The following COMMD10 variants were observed in gnomAD, a reference collection of about 807,000 sequenced individuals.
COMMD10 encodes COMM domain-containing protein 10.
COMMD10 carries 33 observed loss-of-function variants against 28.9 expected under a neutral mutation model. The ratio of observed to expected loss-of-function variants is 1.14; its 90% CI spans 0.87 to 1.53. COMMD10 has a LOEUF of 1.53. COMMD10 is among the 40% of genes most tolerant of loss of function. COMMD10 has a pLI of 0.00. For synonymous variants in COMMD10, 110 were observed against 81.7 expected, an observed-to-expected ratio of 1.35 and a Z score of -1.87; for missense variants, 310 against 233.4, an observed-to-expected ratio of 1.33 and a Z score of -2.14.
At chr5:116,193,976 C>A (rs1194113113) in intron 5 of COMMD10, among the ~76,000 whole-genome samples, 2 of 152,036 alleles carry the variant, frequency 1.3e-5, no homozygotes, top group Admixed American at 6.6e-5. Flanking sequence ...CTCTCTCAGA[C>A]CACAGTGGAA....
intron 5 of COMMD10, among the ~76,000 whole-genome samples, chr5:116,214,718 G>C (rs1326642237): frequency 6.6e-6 from 1 of 151,866 alleles, no homozygotes; most frequent in African/African-American, 2.4e-5. Flanking sequence ...TTAAATTATG[G>C]CCTCAATTTT....
In COMMD10 at chr5:116,188,059, GGTTTACTCTGTTA is replaced by G. The variant is rs1276843409; in HGVS notation, c.510+53886_510+53898del. ...ATCATTACGTCAGTTTACAACAGAA[GGTTTACTCTGTTA>G]GTTTCCAGTAACTATAATGGAAACT... On this transcript the variant is annotated intron_variant, in intron 5 of 6. Transcript: ENST00000274458. Among the ~76,000 whole-genome samples the G allele has an allele frequency of 2.0e-5, 3 of 152,078 alleles. No individual in the cohort carries two copies. The East Asian group carries it at 5.8e-4, about 29-fold the overall frequency.
At chr5:116,135,738 T>G (rs1752007481) in intron 5 of COMMD10, among the ~76,000 whole-genome samples, 1 of 152,188 alleles carries the variant, frequency 6.6e-6, no homozygotes, top group South Asian at 2.1e-4. Context: ...TATCATAGGT[T>G]TGTATATATG....
chr5:116,280,224 T>G (rs1751036558), intron 5 of COMMD10, among the ~76,000 whole-genome samples: 1 of 151,908 alleles, frequency 6.6e-6, no homozygotes, highest in South Asian at 2.1e-4. Flanking sequence ...ATAGGTGTAC[T>G]TTTCAACATT....
At chr5:116,215,548 G>A (rs1221027370) in intron 5 of COMMD10, among the ~76,000 whole-genome samples, 2 of 151,482 alleles carry the variant, frequency 1.3e-5, no homozygotes, top group South Asian at 2.1e-4. Flanking sequence ...TGAGCCAGGC[G>A]TGGTGGCGTG....
intron 5 of COMMD10, among the ~76,000 whole-genome samples, chr5:116,279,618 T>G (rs894981092): frequency 2.3e-4 from 35 of 151,854 alleles, no homozygotes; most frequent in African/African-American, 8.5e-4. Flanking sequence ...AATTATGTAG[T>G]ATATTCACTG....
intron 4 of COMMD10, among the ~76,000 whole-genome samples, chr5:116,111,374 A>T (rs975422275): frequency 6.7e-6 from 1 of 150,264 alleles, no homozygotes; most frequent in Non-Finnish European, 1.5e-5. Flanking sequence ...GTTAATTTGC[A>T]ATCTTTCTAC....
At chr5:116,127,531 T>G (rs1175824334) in intron 4 of COMMD10, among the ~76,000 whole-genome samples, 4 of 152,042 alleles carry the variant, frequency 2.6e-5, no homozygotes, top group Non-Finnish European at 5.9e-5. Flanking sequence ...CAACCCAAAT[T>G]TCCGTCAATG....
At chr5:116,243,180 G>A (rs963094874) in intron 5 of COMMD10, among the ~76,000 whole-genome samples, 1 of 152,078 alleles carries the variant, frequency 6.6e-6, no homozygotes, top group Non-Finnish European at 1.5e-5. Flanking sequence ...AAGTACAGTT[G>A]TAAACACTAT....
intron 5 of COMMD10, among the ~76,000 whole-genome samples, chr5:116,214,027 CA>C (rs1156383001): frequency 2.6e-5 from 4 of 152,046 alleles, no homozygotes; most frequent in Non-Finnish European, 1.5e-5. Context: ...CTGTGGCTTA[CA>C]GACAATAGTA....
intron 5 of COMMD10, among the ~76,000 whole-genome samples, chr5:116,267,120 T>C (rs1459722929): frequency 6.6e-6 from 1 of 151,610 alleles, no homozygotes; most frequent in African/African-American, 2.4e-5. Context: ...GAGAAAGAAA[T>C]AAAGGGTAGT....
chr5:116,224,584 T>G (rs144528617), intron 5 of COMMD10, among the ~76,000 whole-genome samples: 8 of 152,196 alleles, frequency 5.3e-5, no homozygotes, highest in African/African-American at 1.9e-4. Context: ...CCGCACTCTT[T>G]TAAACAACCA....
At chr5:116,175,881 T>C (rs1580521508) in intron 5 of COMMD10, among the ~76,000 whole-genome samples, 1 of 151,200 alleles carries the variant, frequency 6.6e-6, no homozygotes, top group Non-Finnish European at 1.5e-5. Flanking sequence ...GAATGAGGAG[T>C]AGGGAGTTAT....
chr5:116,222,511 A>T (rs1460784996), intron 5 of COMMD10, among the ~76,000 whole-genome samples: 1 of 152,166 alleles, frequency 6.6e-6, no homozygotes, highest in African/African-American at 2.4e-5. Flanking sequence ...AAGTAGAATA[A>T]AGTCTACTTG....
chr5:116,121,446 G>A (rs1432736338), intron 4 of COMMD10, among the ~76,000 whole-genome samples: 1 of 152,204 alleles, frequency 6.6e-6, no homozygotes, highest in African/African-American at 2.4e-5. Flanking sequence ...AAACATACAT[G>A]TGCATGTGTC....
At chr5:116,113,501 T>A (rs978542475) in intron 4 of COMMD10, among the ~76,000 whole-genome samples, 4 of 152,032 alleles carry the variant, frequency 2.6e-5, no homozygotes, top group African/African-American at 9.7e-5. Context: ...TTCTTATTTT[T>A]AAAATTTTTA....
intron 5 of COMMD10, among the ~76,000 whole-genome samples, chr5:116,184,850 TA>T (rs1267353192): frequency 1.3e-5 from 2 of 152,094 alleles, no homozygotes; most frequent in Non-Finnish European, 2.9e-5. Flanking sequence ...GGAGGCAATG[TA>T]ATATAATCGA....
chr5:116,106,669 T>G lies in COMMD10; in HGVS notation c.399+13969T>G, dbSNP rs145262163. Among the ~76,000 whole-genome samples, 1,090 of 152,354 alleles carry G rather than the reference T, an allele frequency of 7.2e-3. 6 individuals are homozygous for G. Among genetic ancestry groups the G allele is most frequent in the Middle Eastern group, 0.014 (4 of 294 alleles). ...CTTGCTTTATGAATTGGGGTGCTCC[T>G]GTATTGGGTGCATATATACTTAGAA... On this transcript the variant is annotated intron_variant, in intron 4 of 6. Coordinates refer to ENST00000274458, the MANE Select transcript of COMMD10 (RefSeq NM_016144.4).
chr5:116,186,518 C>T (rs1748143862), intron 5 of COMMD10, among the ~76,000 whole-genome samples: 1 of 152,138 alleles, frequency 6.6e-6, no homozygotes. Flanking sequence ...CCTAACTGTT[C>T]AGTTATCAGA....
Sources: allele counts gnomAD v4.1 joint callset (sites outside exome capture counted in the v4.1 genomes callset), GRCh38; gene constraint gnomAD v4.1.1; transcripts MANE v1.5; gene names NCBI Gene and HGNC (gene_info 2026-07-23, HGNC 2026-07-21).